MICAL2: variants seen among roughly 807,000 people sequenced by gnomAD.
MICAL2 encodes the protein [F-actin]-monooxygenase MICAL2.
MICAL2 carries 77 observed loss-of-function variants against 127.3 expected under a neutral mutation model. The ratio of observed to expected loss-of-function variants is 0.60; its 90% CI spans 0.50 to 0.73. MICAL2 has a LOEUF of 0.73. Ranked by LOEUF, MICAL2 falls within the 30% of genes least tolerant of loss-of-function variation. The pLI is 0.00. For synonymous variants in MICAL2, 570 were observed against 551.1 expected (o/e 1.03, Z -0.48); for missense variants, 1,351 against 1,434.4 (o/e 0.94, Z 0.94).
chr11:12,217,374 C>T (rs191904137), intron 8 of MICAL2, among the ~76,000 whole-genome samples: 2 of 152,312 alleles, frequency 1.3e-5, no homozygotes, highest in Admixed American at 1.3e-4. Context: ...CAGGTCTTTG[C>T]TGAGAGCCTG....
chr11:12,282,841 T>C (rs1863786420), intron 2 of MICAL2, among the ~76,000 whole-genome samples: 1 of 152,194 alleles, frequency 6.6e-6, no homozygotes, highest in Admixed American at 6.5e-5. Flanking sequence ...CTTAGTATTC[T>C]CGAGGCTGTT....
At chr11:12,117,383 CTA>C (rs1443423523) in intron 1 of MICAL2, among the ~76,000 whole-genome samples, 1 of 152,236 alleles carries the variant, frequency 6.6e-6, no homozygotes, top group Non-Finnish European at 1.5e-5. Context: ...GAGTGGGAGT[CTA>C]AGAACACCCT....
chr11:12,271,899 G>A (rs1476877346), upstream of MICAL2, among the ~76,000 whole-genome samples: 3 of 152,154 alleles, frequency 2.0e-5, no homozygotes, highest in African/African-American at 7.2e-5. Context: ...TGGCAAAAGG[G>A]GGCCCAGAGG....
intron 29 of MICAL2, among the ~76,000 whole-genome samples, chr11:12,298,261 T>G (rs1007394560): frequency 6.6e-6 from 1 of 152,066 alleles, no homozygotes; most frequent in Non-Finnish European, 1.5e-5. Flanking sequence ...TTGTTGCTAT[T>G]GTCAACAAGA....
At chr11:12,350,923 C>G (rs758098902) in intron 33 of MICAL2, among the ~76,000 whole-genome samples, 6 of 152,114 alleles carry the variant, frequency 3.9e-5, no homozygotes, top group Non-Finnish European at 8.8e-5. Flanking sequence ...AAGGACCTGT[C>G]CTTGCCCTTT....
chr11:12,352,348 T>C (rs1310029538), intron 33 of MICAL2, among the ~76,000 whole-genome samples: 1 of 152,250 alleles, frequency 6.6e-6, no homozygotes, highest in Non-Finnish European at 1.5e-5. Flanking sequence ...TCTAGGATCT[T>C]GTAGTTTTAA....
At chr11:12,130,862 G>A (rs1229743215) in intron 1 of MICAL2, among the ~76,000 whole-genome samples, 1 of 152,218 alleles carries the variant, frequency 6.6e-6, no homozygotes, top group Non-Finnish European at 1.5e-5. Flanking sequence ...ACCTGCTTAT[G>A]GAGGTGGACC....
chr11:12,339,225 C>G (rs139774404), intron 32 of MICAL2, among the ~76,000 whole-genome samples: 2,721 of 152,318 alleles, frequency 0.018, 102 homozygotes, highest in African/African-American at 0.061. Flanking sequence ...GATACCCTTT[C>G]TTCCAGTTGA....
At chr11:12,350,949 C>G (rs1939033139) in intron 33 of MICAL2, among the ~76,000 whole-genome samples, 1 of 152,118 alleles carries the variant, frequency 6.6e-6, no homozygotes, top group African/African-American at 2.4e-5. Flanking sequence ...TTTTCTGGCT[C>G]CAGGCTTTCC....
intron 15 of MICAL2, among the ~76,000 whole-genome samples, chr11:12,227,599 A>G (rs926821480): frequency 2.0e-5 from 3 of 152,234 alleles, no homozygotes; most frequent in Non-Finnish European, 4.4e-5. Context: ...CTATAGGTCA[A>G]CTTCAGGGCT....
rs757421174 is a variant in MICAL2, at chr11:12,223,395, T to A, written c.1450-16T>A. ...GGGGGAAAACTGGTGGGCAAGCATGTCTCTCTTGCTCATAGGTGAAGCATT... is the reference window on the plus strand; with the variant it reads ...GGGGGAAAACTGGTGGGCAAGCATGACTCTCTTGCTCATAGGTGAAGCATT... On this transcript the variant is annotated splice_polypyrimidine_tract_variant and intron_variant, in intron 11 of 27. Coordinates refer to ENST00000683283, the MANE Select transcript of MICAL2 (RefSeq NM_001282663.2). 6.2e-7 allele frequency: 1 copy of A among 1,606,124 alleles called. No individual in the cohort carries two copies. Among genetic ancestry groups the A allele is most frequent in the Non-Finnish European group, 8.5e-7 (1 of 1,173,078 alleles).
chr11:12,204,059 C>T (rs1215819056), intron 3 of MICAL2, among the ~76,000 whole-genome samples, 191 bp from the exon 4 acceptor site: 3 of 152,202 alleles, frequency 2.0e-5, no homozygotes, highest in African/African-American at 4.8e-5. Flanking sequence ...GGTGCAGTGG[C>T]TGGTGCGTGG....
At chr11:12,244,773 A>C (rs1860484325) in intron 21 of MICAL2, among the ~76,000 whole-genome samples, 1 of 152,180 alleles carries the variant, frequency 6.6e-6, no homozygotes, top group Admixed American at 6.5e-5. Flanking sequence ...GTGACATGGA[A>C]AGATGGAATG....
At chr11:12,143,854 G>A (rs1353602032) in intron 2 of MICAL2, among the ~76,000 whole-genome samples, 4 of 152,154 alleles carry the variant, frequency 2.6e-5, no homozygotes, top group Non-Finnish European at 2.9e-5. Context: ...AAGTATCCAG[G>A]AAGTAGATTA....
At position 12,269,671 on chromosome 11, in the gene MICAL2, G is replaced by A. The variant is rs1363908572; in HGVS notation, c.3335-6315G>A. Among the ~76,000 whole-genome samples, 3 of 152,334 alleles carry A rather than the reference G, an allele frequency of 2.0e-5. No homozygotes were observed. The East Asian group carries it at 5.8e-4, about 29-fold the overall frequency. On this transcript the variant is annotated intron_variant, in intron 24 of 34. Coordinates refer to the MICAL2 transcript ENST00000646065. ...TGCTCAGCTCTGCTGAGGGCCGTGG[G>A]GAAGGGGCTGAGGCTCGGCACTGCC...
chr11:12,351,798 T>C (rs1235048875), intron 33 of MICAL2, among the ~76,000 whole-genome samples: 2 of 151,840 alleles, frequency 1.3e-5, no homozygotes, highest in Non-Finnish European at 2.9e-5. Context: ...AACTTTTTTT[T>C]TTTTTTCTTT....
chr11:12,273,820 A>G (rs537595043), upstream of MICAL2, among the ~76,000 whole-genome samples: 4 of 152,260 alleles, frequency 2.6e-5, no homozygotes, highest in Non-Finnish European at 5.9e-5. Flanking sequence ...GGCAGGCTCA[A>G]GGACCGCAGG....
chr11:12,162,389 T>C lies in MICAL2; in HGVS notation c.234T>C (p.Tyr78=). 1.2e-6 allele frequency: 2 copies of C among 1,614,230 alleles called. No homozygotes were observed. The highest frequency in any genetic ancestry group is 1.7e-6 in the Non-Finnish European group (2 of 1,180,042). Residue 78 remains tyrosine (Y), a synonymous_variant, in exon 3 of 28, where the codon TAT becomes TAC. Transcript: ENST00000683283. The part of the protein sequence containing the change: ...KLDKRGSHKE[Y]KRGKSCTNTK... ...ATAAGCGTGGTTCCCACAAAGAGTA[T>C]AAGCGAGGGAAGTCGTGCACGAACA...
downstream of MICAL2, among the ~76,000 whole-genome samples, chr11:12,359,808 G>A (rs551383374): frequency 1.2e-4 from 18 of 152,302 alleles, no homozygotes; most frequent in African/African-American, 4.3e-4. Flanking sequence ...AAGAACTCTT[G>A]GTTGTGTATT....
Sources: gnomAD v4.1 joint callset for allele counts (sites outside exome capture counted in the v4.1 genomes callset) on GRCh38, gnomAD v4.1.1 for gene constraint, MANE v1.5 for transcripts, NCBI Gene and HGNC (gene_info 2026-07-23, HGNC 2026-07-21) for gene names.